FBN1: variants seen among roughly 807,000 people sequenced by gnomAD.
The protein encoded by FBN1 is fibrillin 1.
In FBN1, 29 loss-of-function variants were observed where a neutral mutation model predicts 365.1. The observed-to-expected ratio is 0.08, with a 90% CI of 0.06 to 0.11. The LOEUF (loss-of-function observed/expected upper bound fraction) is 0.11. Among genes scored for constraint, FBN1 ranks in the 10% least tolerant of loss-of-function variants. The pLI, the probability that FBN1 is intolerant of heterozygous loss-of-function variation, is 1.00. For synonymous variants in FBN1, 1,210 were observed against 1,270.5 expected, an observed-to-expected ratio of 0.95 and a Z score of 1.01; for missense variants, 2,476 against 3,703.2, an observed-to-expected ratio of 0.67 and a Z score of 8.60.
At chr15:48,565,991 C>T (rs2044256540) in intron 6 of FBN1, among the ~76,000 whole-genome samples, 2 of 152,078 alleles carry the variant, frequency 1.3e-5, no homozygotes, top group African/African-American at 2.4e-5. Flanking sequence ...TCTTACACAC[C>T]CTGTAAACCA....
intron 2 of FBN1, among the ~76,000 whole-genome samples, chr15:48,619,622 C>T (rs1310501114): frequency 6.6e-6 from 1 of 152,084 alleles, no homozygotes; most frequent in East Asian, 1.9e-4. Flanking sequence ...TCCTGTGTAG[C>T]CAGTAAGTTC....
chr15:48,497,530 C>A, intron 18 of FBN1, 139 bp from the exon 19 acceptor site: 1 of 765,794 alleles, frequency 1.3e-6, no homozygotes, highest in Non-Finnish European at 2.2e-6. Flanking sequence ...GGAAAGAGAA[C>A]ACTCTGTCTC....
intron 6 of FBN1, among the ~76,000 whole-genome samples, chr15:48,592,214 T>C (rs1351034193): frequency 6.6e-6 from 1 of 152,188 alleles, no homozygotes; most frequent in East Asian, 1.9e-4. Context: ...GTTCTCTTGC[T>C]GTATCTCTTT....
chr15:48,563,624 C>G (rs973682136), intron 6 of FBN1, among the ~76,000 whole-genome samples: 14 of 152,302 alleles, frequency 9.2e-5, no homozygotes, highest in Non-Finnish European at 1.6e-4. Context: ...AGCCAACTCT[C>G]CTGTGCCATT....
At chr15:48,534,004 A>C (rs1048733622) in intron 8 of FBN1, 76 bp downstream of exon 8, 10 of 1,593,900 alleles carry the variant, frequency 6.3e-6, no homozygotes, top group Non-Finnish European at 7.7e-6. Context: ...AATAATTTGC[A>C]AACAAGCTTG....
chr15:48,602,015 A>G (rs1220778559), intron 4 of FBN1, among the ~76,000 whole-genome samples: 6 of 152,110 alleles, frequency 3.9e-5, no homozygotes, highest in African/African-American at 1.4e-4. Flanking sequence ...TCACTCAATG[A>G]ACATTTCTGA....
chr15:48,485,276 G>A, intron 30 of FBN1, 98 bp downstream of exon 30: 1 of 1,483,848 alleles, frequency 6.7e-7, no homozygotes, highest in African/African-American at 1.4e-5. Context: ...ACAAACAAGG[G>A]TTTGGACTCA....
chr15:48,635,597 TA>T lies in FBN1; in HGVS notation c.164+9008del, dbSNP rs776041223. ...TGAGGCTATAAATAGAAATTGAAAA[TA>T]AAATTCCATACAGAAGAAAGTTAAA... On this transcript the variant is annotated intron_variant, in intron 2 of 65. Transcript: ENST00000316623. 3.0e-4 allele frequency among the ~76,000 whole-genome samples: 45 copies of T among 152,256 alleles called. No individual in the cohort carries two copies. In the East Asian group the frequency reaches 3.1e-3, roughly 10 times the overall value.
chr15:48,611,518 T>C (rs1225191383), intron 3 of FBN1, among the ~76,000 whole-genome samples: 2 of 152,160 alleles, frequency 1.3e-5, no homozygotes, highest in African/African-American at 4.8e-5. Context: ...CCTCGGCCTC[T>C]CAAAGTGCTG....
At chr15:48,584,899 C>T (rs976598013) in intron 6 of FBN1, among the ~76,000 whole-genome samples, 10 of 152,108 alleles carry the variant, frequency 6.6e-5, no homozygotes, top group Non-Finnish European at 1.2e-4. Context: ...CAAGAAAGTT[C>T]CAAAATTTTC....
chr15:48,605,074 T>G (rs948784465), intron 4 of FBN1, among the ~76,000 whole-genome samples: 1 of 152,160 alleles, frequency 6.6e-6, no homozygotes, highest in African/African-American at 2.4e-5. Flanking sequence ...GTTTGAAAAG[T>G]GTAAAGGGCC....
rs1297879878 is a variant in FBN1 at position 48,545,971 on chromosome 15, G to A, written c.539-8163C>T. On this transcript the variant is annotated intron_variant, in intron 6 of 65. Transcript: ENST00000316623. Reference sequence around the variant, plus strand: ...CGTAGTGAGCCGCGATCACACCACTGCTCTCAAGCCTGGGCAACAGAGTGA... The same window carrying A: ...CGTAGTGAGCCGCGATCACACCACTACTCTCAAGCCTGGGCAACAGAGTGA... Among the ~76,000 whole-genome samples the A allele has an allele frequency of 2.0e-5, 3 of 152,048 alleles. No individual in the cohort carries two copies. The East Asian group carries it at 5.8e-4, about 29-fold the overall frequency.
chr15:48,471,381 A>G (rs2043375812), intron 35 of FBN1, among the ~76,000 whole-genome samples: 1 of 152,162 alleles, frequency 6.6e-6, no homozygotes. Context: ...TTATATTAAG[A>G]ACAAACAAAC....
At chr15:48,568,346 C>A (rs2044277472) in intron 6 of FBN1, among the ~76,000 whole-genome samples, 1 of 151,932 alleles carries the variant, frequency 6.6e-6, no homozygotes, top group Admixed American at 6.6e-5. Context: ...CAAAACATTG[C>A]CAAGATAAGT....
intron 2 of FBN1, among the ~76,000 whole-genome samples, chr15:48,628,147 G>A (rs569446126): frequency 1.3e-5 from 2 of 152,262 alleles, no homozygotes; most frequent in East Asian, 3.9e-4. Context: ...ACATGCACAT[G>A]CGCACGTATC....
intron 6 of FBN1, among the ~76,000 whole-genome samples, chr15:48,577,763 T>C (rs750276243): frequency 1.3e-5 from 2 of 152,184 alleles, no homozygotes; most frequent in Non-Finnish European, 2.9e-5. Flanking sequence ...GTTGGTGACG[T>C]TCCATAATGC....
chr15:48,489,797 A>C, intron 25 of FBN1, 54 bp downstream of exon 25: 1 of 1,376,858 alleles, frequency 7.3e-7, no homozygotes, highest in Non-Finnish European at 1.0e-6. Context: ...ATGAAAATGC[A>C]TCCTATTTGT....
In FBN1 at chr15:48,460,327, T is replaced by A. The variant is rs1485196202; in HGVS notation, c.5225-10A>T. 4 of 1,600,836 alleles carry A rather than the reference T, an allele frequency of 2.5e-6. No individual in the cohort carries two copies. The African/African-American group carries it at 4.0e-5, about 16-fold the overall frequency. On this transcript the variant is annotated splice_polypyrimidine_tract_variant and intron_variant, in intron 42 of 65. Transcript: ENST00000316623. ...AGTGTAGCAAACTCATCTGCAATGA[T>A]TAAACAAAGGTGGGATGGGAGGATA... is the stretch of plus-strand genomic sequence containing the variant.
intron 6 of FBN1, among the ~76,000 whole-genome samples, chr15:48,560,483 TGA>T (rs765933387): frequency 6.6e-6 from 1 of 152,168 alleles, no homozygotes; most frequent in Non-Finnish European, 1.5e-5. Flanking sequence ...TAGGAGAGGA[TGA>T]GAGAGTCAAA....
Sources: gnomAD v4.1 joint callset for allele counts (sites outside exome capture counted in the v4.1 genomes callset) on GRCh38, gnomAD v4.1.1 for gene constraint, MANE v1.5 for transcripts, NCBI Gene and HGNC (gene_info 2026-07-23, HGNC 2026-07-21) for gene names.